IDUA: variants seen among roughly 807,000 people sequenced by gnomAD.
IDUA encodes the protein alpha-L-iduronidase.
In IDUA, 65 loss-of-function variants were observed where a neutral mutation model predicts 68.9. That is an observed-to-expected ratio of 0.94 (90% CI 0.77 to 1.16). The LOEUF is 1.16. Among genes scored for constraint, IDUA ranks in the 50% most tolerant of loss-of-function variants. IDUA has a pLI of 0.00. For missense variants in IDUA, 1,046 were observed against 938.0 expected, an observed-to-expected ratio of 1.12 and a Z score of -1.50; for synonymous variants, 529 against 433.6, an observed-to-expected ratio of 1.22 and a Z score of -2.73.
At chr4:1,003,224 CG>C in intron 10 of IDUA, 67 bp downstream of exon 10, 1 of 392,330 alleles carries the variant, frequency 2.5e-6, no homozygotes, top group Non-Finnish European at 3.6e-6. Flanking sequence ...GGGTCCGGGG[CG>C]GGGGCTCCGA....
chr4:991,556 C>T lies in IDUA; in HGVS notation c.299+3607C>T, dbSNP rs1714334790. ...CGCGTGGCGGGGAGCAGGTCCTGCACCAGCGCCCGGACGCACAGCACACTG... is the reference window on the plus strand; with the variant it reads ...CGCGTGGCGGGGAGCAGGTCCTGCATCAGCGCCCGGACGCACAGCACACTG... On this transcript the variant is annotated intron_variant, in intron 2 of 13. Transcript: ENST00000514224. The T allele has an allele frequency of 3.1e-6, 5 of 1,604,732 alleles. No individual in the cohort carries two copies. The South Asian group carries it at 5.5e-5, about 18-fold the overall frequency.
Position 1,000,967 on chromosome 4 carries a change from C to T in IDUA, c.471C>T (p.Ser157=). 1 of 1,612,996 alleles carries T rather than the reference C, an allele frequency of 6.2e-7. No individual in the cohort carries two copies. The highest frequency in any genetic ancestry group is 8.5e-7 in the Non-Finnish European group (1 of 1,179,614). Residue 157 remains serine, a synonymous_variant, in exon 4 of 14, where the codon TCC becomes TCT. Transcript: ENST00000514224. ...TGTTTGAGTGGAAGGACTTGGTCTCCAGCCTGGCCAGGAGATACATCGGTG... is the reference window on the plus strand; with the variant it reads ...TGTTTGAGTGGAAGGACTTGGTCTCTAGCCTGGCCAGGAGATACATCGGTG... ...QQVFEWKDLV[S]SLARRYIGRY...
chr4:1,003,682 C>G (rs1054906065), intron 12 of IDUA, 57 bp downstream of exon 12: 97 of 1,587,134 alleles, frequency 6.1e-5, no homozygotes, highest in Non-Finnish European at 7.9e-5. Flanking sequence ...CCCTGGGTCC[C>G]GACCCCTTCA....
intron 2 of IDUA, chr4:990,919 C>T: frequency 1.8e-6 from 1 of 554,866 alleles, no homozygotes; most frequent in Non-Finnish European, 3.1e-6. Context: ...GCTCCCCGTG[C>T]CCCTCCCCTC....
Position 992,072 on chromosome 4 carries a change from C to T in IDUA, c.299+4123C>T, listed in dbSNP as rs944774509. The T allele has an allele frequency of 2.8e-5, 15 of 534,314 alleles. No homozygotes were observed. In the East Asian group the frequency reaches 3.1e-4, roughly 11 times the overall value. 33.1% of individuals were successfully genotyped at this position (534,314 alleles called of 1,614,324 possible). ...GGCTCTGCGGTTCCTGGCTGAAAAC[C>T]ACCCTGTAGCCTCCTGAAGCTCACC... On this transcript the variant is annotated intron_variant, in intron 2 of 13. Transcript: ENST00000514224.
At chr4:988,649 G>A in intron 2 of IDUA, 1 of 1,403,250 alleles carries the variant, frequency 7.1e-7, no homozygotes, top group Non-Finnish European at 9.2e-7. Flanking sequence ...GAGTGTTTGG[G>A]TCCTGCGTGT....
intron 2 of IDUA, chr4:992,030 C>T (rs1246075335): frequency 1.7e-6 from 1 of 604,594 alleles, no homozygotes; most frequent in Non-Finnish European, 3.1e-6. Context: ...CCTGTCCAGG[C>T]TCAGCTCCGG....
chr4:993,490 G>A (rs2153019298), intron 2 of IDUA: 1 of 152,404 alleles, frequency 6.6e-6, no homozygotes, highest in South Asian at 2.1e-4. Flanking sequence ...CTGAGTCATG[G>A]GTTTCTCCAG....
Position 1,002,169 on chromosome 4 carries a change from G to A in IDUA, c.972+8G>A, listed in dbSNP as rs774327124. 2.6e-6 allele frequency: 4 copies of A among 1,555,858 alleles called. No individual in the cohort carries two copies. Among genetic ancestry groups the A allele is most frequent in the South Asian group, 1.2e-5 (1 of 84,696 alleles). ...GCGGCCATGGTGGTGAAGGTGGGCC[G>A]GCCCAACGCCCTGCGCGCCCCCCGG... On this transcript the variant is annotated splice_region_variant and intron_variant, in intron 7 of 13. Transcript: ENST00000514224.
intron 2 of IDUA, chr4:991,058 C>G (rs1714257477): frequency 2.1e-6 from 3 of 1,437,504 alleles, no homozygotes; most frequent in Non-Finnish European, 2.8e-6. Flanking sequence ...CCAGCCTTGC[C>G]CTCGTGGATG....
Position 987,870 on chromosome 4 carries a change from C to A in IDUA, c.220C>A (p.Leu74Ile). The change falls in exon 2 of 14, where the codon CTC becomes ATC. Residue 74 changes from leucine to isoleucine, a missense_variant. Physicochemically the swap from Leu to Ile is conservative, Grantham distance 5. Coordinates refer to ENST00000514224, the MANE Select transcript of IDUA (RefSeq NM_000203.5). ...YVLSWDQQLN[L>I]AYVGAVPHRG... is the part of the protein sequence containing the mutation. Reference sequence around the variant, plus strand: ...CCTCAGCTGGGACCAGCAGCTCAACCTCGCCTATGTGGGCGCCGTCCCTCA... The same window carrying A: ...CCTCAGCTGGGACCAGCAGCTCAACATCGCCTATGTGGGCGCCGTCCCTCA... The A allele has an allele frequency of 1.2e-6, 2 of 1,612,354 alleles. No homozygotes were observed. Among genetic ancestry groups the A allele is most frequent in the Non-Finnish European group, 1.7e-6 (2 of 1,179,802 alleles).
chr4:999,017 A>G (rs1054478532), intron 2 of IDUA, among the ~76,000 whole-genome samples: 1 of 152,058 alleles, frequency 6.6e-6, no homozygotes, highest in Non-Finnish European at 1.5e-5. Flanking sequence ...ATCCTGGCTA[A>G]CATGGTGAAA....
chr4:1,002,840 C>T lies in IDUA; in HGVS notation c.1298C>T (p.Ala433Val), dbSNP rs1263662112. 1.4e-6 allele frequency: 2 copies of T among 1,453,590 alleles called. No individual in the cohort carries two copies. Among genetic ancestry groups the T allele is most frequent in the Non-Finnish European group, 1.8e-6 (2 of 1,109,586 alleles). 90.0% of individuals were successfully genotyped at this position (1,453,590 alleles called of 1,614,324 possible). The stretch of plus-strand genomic sequence containing the variant: ...CACCGCCCCCAGGGCCCGGCCGACG[C>T]CTGGCGCGCCGCGGTGCTGATCTAC... ...SAHRPQGPAD[A>V]WRAAVLIYAS... The change falls in exon 9 of 14, where the codon GCC (alanine) becomes GTC (valine). Residue 433 changes from alanine to valine, a missense_variant. Ala to Val is a moderately conservative substitution (Grantham distance 64). Transcript: ENST00000514224.
chr4:988,932 G>C lies in IDUA; in HGVS notation c.299+983G>C, dbSNP rs147669408. ...GGAACAGCTGCTCCTCCTCAGCCGT[G>C]TCCCCGGGGCCCTCCCCGAGGAAGC... is the stretch of plus-strand genomic sequence containing the variant. On this transcript the variant is annotated intron_variant, in intron 2 of 13. Transcript: ENST00000514224. 1.2e-3 allele frequency: 1,946 copies of C among 1,600,602 alleles called. 6 individuals carry two copies. Among genetic ancestry groups the C allele is most frequent in the Non-Finnish European group, 1.5e-3 (1,731 of 1,174,470 alleles).
rs1172659493 is a variant in IDUA at position 990,314 on chromosome 4, G to A, written c.299+2365G>A. 9.3e-6 allele frequency: 15 copies of A among 1,605,020 alleles called. No homozygotes were observed. Among genetic ancestry groups the A allele is most frequent in the Non-Finnish European group, 1.3e-5 (15 of 1,177,422 alleles). ...ATGGCAAAGCCATCGAGCAGTGGCT[G>A]TGAGAGGTAGGCGGACACGAAGCCC... On this transcript the variant is annotated intron_variant, in intron 2 of 13. Coordinates refer to ENST00000514224, the MANE Select transcript of IDUA (RefSeq NM_000203.5).
chr4:987,438 C>T (rs1358146589), intron 1 of IDUA, among the ~76,000 whole-genome samples, 196 bp downstream of exon 1: 1 of 152,182 alleles, frequency 6.6e-6, no homozygotes, highest in Non-Finnish European at 1.5e-5. Flanking sequence ...TGGGCCGCCC[C>T]CTGCAGCCCA....
intron 6 of IDUA, 46 bp downstream of exon 6, chr4:1,001,927 C>G (rs1715107227): frequency 6.4e-7 from 1 of 1,568,930 alleles, no homozygotes. Flanking sequence ...CGCCCTCAGC[C>G]GCTGTGCCCC....
chr4:1,001,816 G>A lies in IDUA; in HGVS notation c.727G>A (p.Asp243Asn), dbSNP rs1460797649. The A allele has an allele frequency of 6.2e-7, 1 of 1,605,632 alleles. No homozygotes were observed. The highest frequency in any genetic ancestry group is 8.5e-7 in the Non-Finnish European group (1 of 1,177,696). ...LSWGLLRHCH[D>N]GTNFFTGEAG... ...CTGGGGCCTCCTGCGCCACTGCCAC[G>A]ACGGTACCAACTTCTTCACTGGGGA... Residue 243 changes from aspartate to asparagine, a missense_variant, in exon 6 of 14, where the codon GAC (aspartate) becomes AAC (asparagine). Asp to Asn is a conservative substitution (Grantham distance 23, BLOSUM62 1). Transcript: ENST00000514224.
chr4:998,029 G>A (rs949358163), intron 2 of IDUA, among the ~76,000 whole-genome samples: 1 of 152,260 alleles, frequency 6.6e-6, no homozygotes, highest in African/African-American at 2.4e-5. Flanking sequence ...CCAACTCCGT[G>A]GGACTTTGGA....
Sources: allele counts gnomAD v4.1 joint callset (sites outside exome capture counted in the v4.1 genomes callset), GRCh38; gene constraint gnomAD v4.1.1; transcripts MANE v1.5; gene names NCBI Gene and HGNC (gene_info 2026-07-23, HGNC 2026-07-21).